Variants in ABCD4 observed in about 807,000 individuals in gnomAD.
ABCD4 encodes the protein ATP binding cassette subfamily D member 4, also known as lysosomal cobalamin transporter ABCD4.
ABCD4 carries 53 observed loss-of-function variants against 86.3 expected under a neutral mutation model. The observed-to-expected ratio is 0.61, with a 90% CI of 0.49 to 0.77. ABCD4 has a LOEUF of 0.77. Ranked by LOEUF, ABCD4 falls within the 30% of genes least tolerant of loss-of-function variation. The pLI, the probability that ABCD4 is intolerant of heterozygous loss-of-function variation, is 0.00. For synonymous variants in ABCD4, 328 were observed against 313.6 expected (o/e 1.05, Z -0.49); for missense variants, 757 against 764.5 (o/e 0.99, Z 0.12).
chr14:74,286,608 T>G (rs3742804), intron 18 of ABCD4, 79 bp from the exon 19 acceptor site: 4 of 1,611,536 alleles, frequency 2.5e-6, no homozygotes, highest in South Asian at 1.1e-5. Context: ...TCTCTGCTAC[T>G]GCTACTCCCC....
chr14:74,294,804 C>A (rs1430971739), intron 7 of ABCD4: 5 of 286,902 alleles, frequency 1.7e-5, no homozygotes, highest in East Asian at 7.7e-5. Context: ...ACCTCAGGCA[C>A]TGGCAAGAAA....
Position 74,295,939 on chromosome 14 carries a change from T to C in ABCD4, c.583A>G (p.Ile195Val), listed in dbSNP as rs751345657. Residue 195 changes from isoleucine to valine, a missense_variant, in exon 6 of 19, where the codon ATC (isoleucine) becomes GTC (valine). Transcript: ENST00000356924. ...LGPVSIFGYF[I>V]LGTVVNKTLM... ...GTTTTGTTCACCACGGTCCCCAGGATGAAATACCCGAAGATGCTCACAGGC... is the reference window on the plus strand; with the variant it reads ...GTTTTGTTCACCACGGTCCCCAGGACGAAATACCCGAAGATGCTCACAGGC... 3.1e-6 allele frequency: 5 copies of C among 1,611,904 alleles called. No individual in the cohort carries two copies. The highest frequency in any genetic ancestry group is 1.7e-4 in the Middle Eastern group (1 of 6,048).
intron 5 of ABCD4, 137 bp from the exon 6 acceptor site, chr14:74,296,116 G>A: frequency 7.9e-7 from 1 of 1,261,118 alleles, no homozygotes; most frequent in Non-Finnish European, 1.1e-6. Flanking sequence ...CTGCTCCTAT[G>A]TGGGGGCATC....
intron 7 of ABCD4, 46 bp from the exon 8 acceptor site, chr14:74,293,294 C>G (rs1205695841): frequency 1.3e-6 from 2 of 1,593,152 alleles, no homozygotes; most frequent in East Asian, 2.2e-5. Flanking sequence ...AGAGGTTCAG[C>G]CAGGTTGGGG....
At chr14:74,295,268 A>T in intron 6 of ABCD4, 70 bp from the exon 7 acceptor site, 1 of 1,585,150 alleles carries the variant, frequency 6.3e-7, no homozygotes, top group Non-Finnish European at 8.7e-7. Context: ...GGAGTCCTGG[A>T]TCACAAAGAC....
chr14:74,286,670 C>T lies in ABCD4; in HGVS notation c.1752+31G>A, dbSNP rs200000996. 58 of 1,613,696 alleles carry T rather than the reference C, an allele frequency of 3.6e-5. No homozygotes were observed. The African/African-American group carries it at 6.0e-4, about 17-fold the overall frequency. On this transcript the variant is annotated intron_variant, in intron 18 of 18. Coordinates refer to ENST00000356924, the MANE Select transcript of ABCD4 (RefSeq NM_005050.4). ...AGGCTGAGCCTTTGGGTTCTTTCTC[C>T]TCCTCAGGCCATCCTTGTGAGCACG...
In ABCD4 at chr14:74,293,264, T is replaced by C. The variant is rs1239890456; in HGVS notation, c.720-16A>G. 1 of 1,613,610 alleles carries C rather than the reference T, an allele frequency of 6.2e-7. No homozygotes were observed. The highest frequency in any genetic ancestry group is 8.5e-7 in the Non-Finnish European group (1 of 1,179,754). On this transcript the variant is annotated splice_polypyrimidine_tract_variant and intron_variant, in intron 7 of 18. Transcript: ENST00000356924. ...ATGCCCAGCTCTGACAAGGAAAGGC[T>C]GGGATGTCCACAGGGCTGGAGAGGT...
intron 15 of ABCD4, 133 bp downstream of exon 15, chr14:74,288,583 C>G (rs2080479929): frequency 3.9e-6 from 4 of 1,032,772 alleles, no homozygotes; most frequent in Non-Finnish European, 5.8e-6. Context: ...ACACTGTCAA[C>G]TGATACTCCC....
chr14:74,289,482 C>T lies in ABCD4; in HGVS notation c.1456+1G>A. 6.2e-7 allele frequency: 1 copy of T among 1,613,910 alleles called. No individual in the cohort carries two copies. On this transcript the variant is annotated splice_donor_variant, in intron 14 of 18. Transcript: ENST00000356924. LOFTEE classifies it high-confidence loss of function. ...ACATGACCTAAGGAGGACCAGCTCA[C>T]CTGAGTCGGGGTAGACCTCCTTCAG...
chr14:74,294,937 C>T (rs1267012619), intron 7 of ABCD4: 5 of 596,656 alleles, frequency 8.4e-6, no homozygotes, highest in Non-Finnish European at 1.5e-5. Flanking sequence ...TAAAGCTGGC[C>T]ACAGTAAGGA....
chr14:74,285,424 G>A lies in ABCD4; in HGVS notation c.*1037C>T, dbSNP rs1156549530. ...CTAGCCGTAAGTTAATAACACCGAT[G>A]GTTTTTCTTGTATTTATTTTTAGTT... On this transcript the variant is annotated 3_prime_UTR_variant, in exon 19 of 19. Coordinates refer to ENST00000356924, the MANE Select transcript of ABCD4 (RefSeq NM_005050.4). The A allele has an allele frequency of 6.6e-6, 1 of 151,930 alleles. No homozygotes were observed. The highest frequency in any genetic ancestry group is 2.4e-5 in the African/African-American group (1 of 41,336). 9.4% of individuals were successfully genotyped at this position (151,930 alleles called of 1,614,324 possible).
intron 2 of ABCD4, chr14:74,299,945 C>A (rs1383050413): frequency 1.7e-6 from 1 of 585,822 alleles, no homozygotes; most frequent in Admixed American, 3.1e-5. Context: ...TGCTTGTAAT[C>A]CCAGCTACTC....
chr14:74,296,411 C>T lies in ABCD4; in HGVS notation c.464G>A (p.Arg155Gln), dbSNP rs753297474. Residue 155 changes from arginine to glutamine, a missense_variant, in exon 5 of 19, where the codon CGG becomes CAG. By Grantham distance (43) the Arg-to-Gln change is conservative. Transcript: ENST00000356924. Reference sequence around the variant, plus strand: ...CTTGCTGGCCATGCTGCTGAGCTGCCGGCAGAATCGCTCCACGTCCTGGCT... The same window carrying T: ...CTTGCTGGCCATGCTGCTGAGCTGCTGGCAGAATCGCTCCACGTCCTGGCT... The part of the protein sequence containing the change: ...RISQDVERFC[R>Q]QLSSMASKLI... 12 of 1,614,050 alleles carry T rather than the reference C, an allele frequency of 7.4e-6. No individual in the cohort carries two copies. Among genetic ancestry groups the T allele is most frequent in the African/African-American group, 5.3e-5 (4 of 75,010 alleles).
chr14:74,286,891 T>G, intron 17 of ABCD4, 75 bp from the exon 18 acceptor site: 1 of 1,410,356 alleles, frequency 7.1e-7, no homozygotes, highest in East Asian at 2.3e-5. Flanking sequence ...CCACCCATAC[T>G]CAACCCCAGC....
Position 74,287,907 on chromosome 14 carries a change from G to C in ABCD4, c.1560-21C>G, listed in dbSNP as rs1458955961. ...CATACCTGAGGAAAGGTAGGAGAGA[G>C]GACTGCTAGAGGAGGAAGAATATAG... is the stretch of plus-strand genomic sequence containing the variant. On this transcript the variant is annotated intron_variant, in intron 16 of 18. Coordinates refer to ENST00000356924, the MANE Select transcript of ABCD4 (RefSeq NM_005050.4). The C allele has an allele frequency of 1.9e-6, 3 of 1,600,118 alleles. No homozygotes were observed. In the South Asian group the frequency reaches 3.3e-5, roughly 18 times the overall value.
chr14:74,288,622 T>G, intron 15 of ABCD4, 94 bp downstream of exon 15: 2 of 1,435,590 alleles, frequency 1.4e-6, no homozygotes, highest in South Asian at 2.4e-5. Flanking sequence ...AGACTTCCAG[T>G]CCTGGGCCCA....
intron 10 of ABCD4, 73 bp downstream of exon 10, chr14:74,292,477 CT>C: frequency 1.3e-6 from 2 of 1,594,026 alleles, no homozygotes; most frequent in East Asian, 2.2e-5. Flanking sequence ...GTCTCTGTTC[CT>C]TTTTTCACTC....
chr14:74,288,870 T>C (rs564304996), intron 14 of ABCD4, 105 bp from the exon 15 acceptor site: 1 of 1,408,560 alleles, frequency 7.1e-7, no homozygotes, highest in Non-Finnish European at 9.6e-7. Context: ...TCCCAACACT[T>C]TGGGAGGCCG....
At chr14:74,297,851 T>C (rs1305123500) in intron 4 of ABCD4, 79 bp downstream of exon 4, 1 of 1,512,662 alleles carries the variant, frequency 6.6e-7, no homozygotes, top group South Asian at 1.4e-5. Flanking sequence ...CCTTGGTGTC[T>C]GCCACCAGCA....
Sources: gnomAD v4.1 joint callset for allele counts on GRCh38, gnomAD v4.1.1 for gene constraint, MANE v1.5 for transcripts, NCBI Gene and HGNC (gene_info 2026-07-23, HGNC 2026-07-21) for gene names.